Variants in DDR2 observed in about 807,000 individuals in gnomAD.
DDR2 encodes discoidin domain receptor tyrosine kinase 2, also known as discoidin domain-containing receptor 2.
DDR2 carries 27 observed loss-of-function variants against 94.9 expected under a neutral mutation model. That is an observed-to-expected ratio of 0.28 (90% CI 0.21 to 0.39). The LOEUF is 0.39. Ranked by LOEUF, DDR2 falls within the 10% of genes least tolerant of loss-of-function variation. The pLI, the probability that DDR2 is intolerant of heterozygous loss-of-function variation, is 1.00. For missense variants in DDR2, 783 were observed against 1,076.0 expected (o/e 0.73, Z 3.81); for synonymous variants, 382 against 377.2 (o/e 1.01, Z -0.15).
chr1:162,657,092 G>T (rs1024852100), intron 2 of DDR2, among the ~76,000 whole-genome samples: 3 of 151,708 alleles, frequency 2.0e-5, no homozygotes, highest in African/African-American at 7.3e-5. Flanking sequence ...CTACCACCGT[G>T]CCCTCCTAAA....
chr1:162,729,345 G>A (rs1661905532), intron 3 of DDR2, among the ~76,000 whole-genome samples: 1 of 123,584 alleles, frequency 8.1e-6, no homozygotes, highest in Non-Finnish European at 1.6e-5. Context: ...TGTGATTGTT[G>A]ACTTAGCTCT....
Position 162,761,327 on chromosome 1 carries a change from G to A in DDR2, c.972G>A (p.Leu324=), listed in dbSNP as rs1558071315. Residue 324 remains leucine, a synonymous_variant, in exon 9 of 18, where the codon CTG becomes CTA. Transcript: ENST00000367921. ...ATGCCATTTCCTTCCCCCTTGTCCTGGATGACGTCAACCCCAGTGCTCGGT... is the reference window on the plus strand; with the variant it reads ...ATGCCATTTCCTTCCCCCTTGTCCTAGATGACGTCAACCCCAGTGCTCGGT... ...EPNAISFPLV[L]DDVNPSARFV... is the part of the protein sequence containing the mutation. 3 of 1,614,174 alleles carry A rather than the reference G, an allele frequency of 1.9e-6. No individual in the cohort carries two copies. Among genetic ancestry groups the A allele is most frequent in the Non-Finnish European group, 2.5e-6 (3 of 1,180,032 alleles).
intron 2 of DDR2, among the ~76,000 whole-genome samples, chr1:162,716,422 T>C (rs1231944772): frequency 6.6e-6 from 1 of 152,220 alleles, no homozygotes; most frequent in African/African-American, 2.4e-5. Context: ...TGCTCAACTA[T>C]AGCCAAGACC....
chr1:162,767,241 A>C lies in DDR2; in HGVS notation c.1175A>C (p.Lys392Thr). The change falls in exon 11 of 18, where the codon AAA becomes ACA. Residue 392 changes from lysine (K) to threonine (T), a missense_variant. Transcript: ENST00000367921. ...MAPTTYDPML[K>T]VDDSNTRILI... ...TCCCTGGTCACAGATCCAATGCTTAAAGTTGATGACAGCAACACTCGGATC... is the reference window on the plus strand; with the variant it reads ...TCCCTGGTCACAGATCCAATGCTTACAGTTGATGACAGCAACACTCGGATC... 1.2e-6 allele frequency: 2 copies of C among 1,614,060 alleles called. No homozygotes were observed. Among genetic ancestry groups the C allele is most frequent in the Non-Finnish European group, 1.7e-6 (2 of 1,179,986 alleles).
intron 2 of DDR2, among the ~76,000 whole-genome samples, chr1:162,703,963 C>T (rs1396841244): frequency 1.3e-5 from 2 of 152,144 alleles, no homozygotes; most frequent in Non-Finnish European, 2.9e-5. Context: ...TCTGCACATT[C>T]CTGCAGTTAA....
Position 162,775,764 on chromosome 1 carries a change from A to G in DDR2, c.1969A>G (p.Met657Val), listed in dbSNP as rs754168055. The change falls in exon 15 of 18, where the codon ATG becomes GTG. Residue 657 changes from methionine to valine, a missense_variant. Met to Val is a conservative substitution (Grantham distance 21). This residue lies in a region of DDR2 where 264 missense variants were observed against 428.2 expected (regional missense o/e 0.62). Coordinates refer to ENST00000367921, the MANE Select transcript of DDR2 (RefSeq NM_006182.4). Reference sequence around the variant, plus strand: ...CCCTCTCTGTATGATCACTGAATACATGGAGAATGGAGATCTCAATCAGTT... The same window carrying G: ...CCCTCTCTGTATGATCACTGAATACGTGGAGAATGGAGATCTCAATCAGTT... ...DDPLCMITEY[M>V]ENGDLNQFLS... The G allele has an allele frequency of 1.6e-5, 26 of 1,614,158 alleles. No individual in the cohort carries two copies. Among genetic ancestry groups the G allele is most frequent in the Non-Finnish European group, 2.0e-5 (24 of 1,180,016 alleles).
chr1:162,691,584 C>A (rs1328467596), intron 2 of DDR2, among the ~76,000 whole-genome samples: 1 of 152,184 alleles, frequency 6.6e-6, no homozygotes, highest in Non-Finnish European at 1.5e-5. Flanking sequence ...ATGAATAAGA[C>A]CAGTGTCTAG....
At chr1:162,666,664 AG>A (rs1196480744) in intron 2 of DDR2, among the ~76,000 whole-genome samples, 2 of 152,336 alleles carry the variant, frequency 1.3e-5, no homozygotes, top group Admixed American at 6.5e-5. Context: ...GCAGCTGAAT[AG>A]CTGGCATTTA....
chr1:162,699,070 G>A (rs566436119), intron 2 of DDR2, among the ~76,000 whole-genome samples: 1 of 152,114 alleles, frequency 6.6e-6, no homozygotes, highest in South Asian at 2.1e-4. Context: ...GCAATGGGAA[G>A]CTCCCATGAC....
At chr1:162,648,225 G>A (rs1657509958) in intron 1 of DDR2, among the ~76,000 whole-genome samples, 1 of 152,132 alleles carries the variant, frequency 6.6e-6, no homozygotes, top group South Asian at 2.1e-4. Context: ...GTGCATGGAA[G>A]GGTTTGTATA....
intron 9 of DDR2, among the ~76,000 whole-genome samples, chr1:162,761,716 T>A (rs1331716417): frequency 1.3e-5 from 2 of 152,240 alleles, no homozygotes; most frequent in African/African-American, 4.8e-5. Flanking sequence ...AAAAATTTTA[T>A]ATAATTTAAG....
chr1:162,696,679 C>G (rs1660208309), intron 2 of DDR2, among the ~76,000 whole-genome samples: 1 of 152,106 alleles, frequency 6.6e-6, no homozygotes, highest in Non-Finnish European at 1.5e-5. Flanking sequence ...CAGCTACACC[C>G]TCCTGGCTGG....
Position 162,780,377 on chromosome 1 carries a change from CT to C in DDR2, c.*135del. ...GACAGAGGCTTGTTTGCTTTGCCCT[CT>C]TTTCCTGGTCACCCCCACTCCCTAC... On this transcript the variant is annotated 3_prime_UTR_variant, in exon 18 of 18. Coordinates refer to ENST00000367921, the MANE Select transcript of DDR2 (RefSeq NM_006182.4). The C allele has an allele frequency of 5.7e-6, 8 of 1,406,222 alleles. No individual in the cohort carries two copies. The highest frequency in any genetic ancestry group is 5.9e-6 in the Non-Finnish European group (6 of 1,020,508). 87.1% of individuals were successfully genotyped at this position (1,406,222 alleles called of 1,614,324 possible). A position where few individuals can be genotyped will look rare whatever the true frequency, so the allele number is the denominator to read the frequency against.
In DDR2 at chr1:162,759,416, A is replaced by G. The variant is rs116059112; in HGVS notation, c.672-380A>G. ...ATTTATCCATTTCCTCATTTACTCT[A>G]TGAATTAGTTCATCAAATGCATTTG... On this transcript the variant is annotated intron_variant, in intron 7 of 17. Coordinates refer to ENST00000367921, the MANE Select transcript of DDR2 (RefSeq NM_006182.4). Among the ~76,000 whole-genome samples, 661 of 152,316 alleles carry G rather than the reference A, an allele frequency of 4.3e-3. 6 individuals are homozygous for G. The highest frequency in any genetic ancestry group is 0.015 in the African/African-American group (631 of 41,570).
rs1166540001 is a variant in DDR2, at chr1:162,735,885, C to T, written c.82+16740C>T. 2.6e-5 allele frequency among the ~76,000 whole-genome samples: 4 copies of T among 152,342 alleles called. No individual in the cohort carries two copies. In the East Asian group the frequency reaches 7.7e-4, roughly 29 times the overall value. The stretch of plus-strand genomic sequence containing the variant: ...AGTTATTTGCAACAATATCATGATT[C>T]ACCTCATGTGACCCACATTCCCTAT... On this transcript the variant is annotated intron_variant, in intron 3 of 17. Coordinates refer to ENST00000367921, the MANE Select transcript of DDR2 (RefSeq NM_006182.4).
chr1:162,709,771 C>G (rs1284085776), intron 2 of DDR2, among the ~76,000 whole-genome samples: 1 of 152,144 alleles, frequency 6.6e-6, no homozygotes, highest in Non-Finnish European at 1.5e-5. Flanking sequence ...AAGTTTCCAG[C>G]AAGTCAGAGG....
At chr1:162,637,597 C>T (rs149244556) in intron 1 of DDR2, among the ~76,000 whole-genome samples, 39 of 152,032 alleles carry the variant, frequency 2.6e-4, no homozygotes, top group African/African-American at 9.2e-4. Flanking sequence ...ATTATTTATG[C>T]CCTATTTGTT....
rs2102218911 is a variant in DDR2, at chr1:162,784,404, G to A, written c.*4158G>A. On this transcript the variant is annotated 3_prime_UTR_variant, in exon 18 of 18. Transcript: ENST00000367921. The stretch of plus-strand genomic sequence containing the variant: ...TTGCCATCCTAGTCTTTCCTTTTTA[G>A]TAAGACTTCTGTCCTCTGGCAGTGC... The A allele has an allele frequency of 6.5e-6, 1 of 154,124 alleles. No homozygotes were observed. The highest frequency in any genetic ancestry group is 1.9e-4 in the East Asian group (1 of 5,182). 9.5% of individuals were successfully genotyped at this position (154,124 alleles called of 1,614,324 possible). A position where few individuals can be genotyped will look rare whatever the true frequency, so the allele number is the denominator to read the frequency against.
In DDR2 at chr1:162,776,426, C is replaced by A. The variant is rs115140389; in HGVS notation, c.2283+56C>A. On this transcript the variant is annotated intron_variant, in intron 16 of 17. Transcript: ENST00000367921. The stretch of plus-strand genomic sequence containing the variant: ...AACAACTGGCTTGTGGGCTCACATG[C>A]ATGACACGTGGAGACAAACCTGAGA... The A allele has an allele frequency of 2.8e-4, 442 of 1,560,924 alleles. 1 individual carries two copies. In the African/African-American group the frequency reaches 5.6e-3, roughly 20 times the overall value.
Sources: gnomAD v4.1 joint callset for allele counts (sites outside exome capture counted in the v4.1 genomes callset) on GRCh38, gnomAD v4.1.1 for gene constraint, gnomAD v4.1.1 regional missense constraint, MANE v1.5 for transcripts, NCBI Gene and HGNC (gene_info 2026-07-23, HGNC 2026-07-21) for gene names.